Variants in MANSC4 observed in about 807,000 individuals in gnomAD.
MANSC4 encodes the protein MANSC domain containing 4, also known as MANSC domain-containing protein 4.
Under a neutral mutation model 11.4 loss-of-function variants are expected in MANSC4, and 11 were observed. The observed-to-expected ratio is 0.97, with a 90% CI of 0.61 to 1.60. The LOEUF (loss-of-function observed/expected upper bound fraction) is 1.60. Ranked by LOEUF, MANSC4 falls within the 40% of genes most tolerant of loss-of-function variation. The pLI, the probability that MANSC4 is intolerant of heterozygous loss-of-function variation, is 0.00. For synonymous variants in MANSC4, 123 were observed against 147.1 expected (o/e 0.84, Z 1.19); for missense variants, 354 against 404.6 (o/e 0.88, Z 1.07).
At chr12:27,774,467 T>C (rs2062111821) in intron 1 of MANSC4, among the ~76,000 whole-genome samples, 1 of 151,254 alleles carries the variant, frequency 6.6e-6, no homozygotes, top group Non-Finnish European at 1.5e-5. Flanking sequence ...TTCACTTTAA[T>C]AATTCAAATC....
At chr12:27,763,727 A>ATTAT (rs1030516503) in intron 3 of MANSC4, among the ~76,000 whole-genome samples, 5 of 151,852 alleles carry the variant, frequency 3.3e-5, no homozygotes, top group African/African-American at 4.8e-5. Context: ...TATAGCGTTT[A>ATTAT]TTATTTATTT....
chr12:27,780,197 G>C lies in MANSC4; in HGVS notation c.-307+13C>G, dbSNP rs1221854366. 2 of 623,874 alleles carry C rather than the reference G, an allele frequency of 3.2e-6. No homozygotes were observed. Among genetic ancestry groups the C allele is most frequent in the East Asian group, 9.2e-5 (2 of 21,696 alleles). 38.6% of individuals were successfully genotyped at this position (623,874 alleles called of 1,614,324 possible). A position where few individuals can be genotyped will look rare whatever the true frequency, so the allele number is the denominator to read the frequency against. On this transcript the variant is annotated intron_variant, in intron 1 of 3. Coordinates refer to ENST00000381273, the MANE Select transcript of MANSC4 (RefSeq NM_001146221.5). This position sits in a 1 kb window ranked among gnomAD's most constrained non-coding sequence, Gnocchi z 8.8. ...GCCGCCGGAGAGGCCGGGCGAGCGC[G>C]GGCGGCCCTCACCTCGCCGCTCCTC...
chr12:27,776,277 A>G (rs2062119614), intron 1 of MANSC4, among the ~76,000 whole-genome samples: 1 of 152,178 alleles, frequency 6.6e-6, no homozygotes, highest in African/African-American at 2.4e-5. Flanking sequence ...TGCCTGGCAC[A>G]TGCTAAACAC....
At chr12:27,763,487 G>T in intron 3 of MANSC4, 91 bp from the exon 4 acceptor site, 1 of 1,222,664 alleles carries the variant, frequency 8.2e-7, no homozygotes, top group South Asian at 1.6e-5. Context: ...GGCTTTTGCC[G>T]CTATGAGTTA....
In MANSC4 at chr12:27,771,116, T is replaced by C. The variant is rs1258575335; in HGVS notation, c.161A>G (p.Gln54Arg). 2 of 1,551,838 alleles carry C rather than the reference T, an allele frequency of 1.3e-6. No homozygotes were observed. Among genetic ancestry groups the C allele is most frequent in the Non-Finnish European group, 1.7e-6 (2 of 1,147,024 alleles). Residue 54 changes from glutamine (Q) to arginine (R), a missense_variant, in exon 2 of 4, where the codon CAG (glutamine) becomes CGG (arginine). Gln to Arg is a conservative substitution (Grantham distance 43). Transcript: ENST00000381273. Reference sequence around the variant, plus strand: ...GCTTTCAGAATAATACTTCAAGAACTGGGCTCCCAGCTTCTGAGACTCCTC... The same window carrying C: ...GCTTTCAGAATAATACTTCAAGAACCGGGCTCCCAGCTTCTGAGACTCCTC... ...NLEESQKLGA[Q>R]FLKYYSESTG... is the part of the protein sequence containing the mutation.
In MANSC4 at chr12:27,771,028, A is replaced by T. The variant is rs1394972138; in HGVS notation, c.229+20T>A. The T allele has an allele frequency of 2.6e-6, 4 of 1,528,324 alleles. No individual in the cohort carries two copies. The Admixed American group carries it at 8.4e-5, about 32-fold the overall frequency. 94.7% of individuals were successfully genotyped at this position (1,528,324 alleles called of 1,614,324 possible). ...GGAAGTTTCTTCTTATTTTTGCCCAAGCATATCATGAATACTTACCATCCT... is the reference window on the plus strand; with the variant it reads ...GGAAGTTTCTTCTTATTTTTGCCCATGCATATCATGAATACTTACCATCCT... On this transcript the variant is annotated intron_variant, in intron 2 of 3. Coordinates refer to ENST00000381273, the MANE Select transcript of MANSC4 (RefSeq NM_001146221.5).
chr12:27,765,297 A>G (rs1479858857), intron 3 of MANSC4, among the ~76,000 whole-genome samples: 1 of 152,208 alleles, frequency 6.6e-6, no homozygotes, highest in Non-Finnish European at 1.5e-5. Flanking sequence ...TAGATTTTCT[A>G]ATCTGTACCT....
intron 2 of MANSC4, among the ~76,000 whole-genome samples, chr12:27,770,294 ACT>A (rs1038810373): frequency 2.6e-4 from 40 of 151,882 alleles, no homozygotes; most frequent in African/African-American, 8.2e-4. Context: ...GATTCTCCAA[ACT>A]CAGCCCCCCG....
intron 1 of MANSC4, among the ~76,000 whole-genome samples, chr12:27,774,792 G>A (rs2062112854): frequency 6.6e-6 from 1 of 152,100 alleles, no homozygotes; most frequent in Non-Finnish European, 1.5e-5. Flanking sequence ...GGGAGGCTGA[G>A]GCGGGCAGAT....
At chr12:27,769,387 C>T (rs2062090035) in intron 2 of MANSC4, among the ~76,000 whole-genome samples, 1 of 152,130 alleles carries the variant, frequency 6.6e-6, no homozygotes, top group South Asian at 2.1e-4. Flanking sequence ...CTGGAATGTG[C>T]CTTCCTGTTC....
At position 27,771,463 on chromosome 12, in the gene MANSC4, C is replaced by T. The variant is rs979533072; in HGVS notation, c.-187G>A. ...TGCACATTGATTTTTCTTTTCTTCCCGAGCTCCAGGTGAACATTTGATTTG... is the reference window on the plus strand; with the variant it reads ...TGCACATTGATTTTTCTTTTCTTCCTGAGCTCCAGGTGAACATTTGATTTG... On this transcript the variant is annotated 5_prime_UTR_variant, in exon 2 of 4. Transcript: ENST00000381273. Among the ~76,000 whole-genome samples, 2 of 152,174 alleles carry T rather than the reference C, an allele frequency of 1.3e-5. No homozygotes were observed. Among genetic ancestry groups the T allele is most frequent in the Non-Finnish European group, 2.9e-5 (2 of 68,032 alleles).
At chr12:27,768,402 C>CAAAAAAAAAAAAAAAAAAAA (rs201953091) in intron 2 of MANSC4, among the ~76,000 whole-genome samples, 2 of 109,684 alleles carry the variant, frequency 1.8e-5, no homozygotes, top group Non-Finnish European at 3.5e-5. Context: ...GACTCTGTCT[C>CAAAAAAAAAAAAAAAAAAAA]AAAAAAAAAA....
rs539737805 is a variant in MANSC4 at position 27,776,823 on chromosome 12, T to C, written c.-307+3387A>G. ...CCATTACGCTTCTGTAAAACTGTTT[T>C]ACAGATAGTACCACAAAACTGGTTT... On this transcript the variant is annotated intron_variant, in intron 1 of 3. Coordinates refer to ENST00000381273, the MANE Select transcript of MANSC4 (RefSeq NM_001146221.5). Among the ~76,000 whole-genome samples, 25 of 152,348 alleles carry C rather than the reference T, an allele frequency of 1.6e-4. No homozygotes were observed. In the South Asian group the frequency reaches 4.6e-3, roughly 28 times the overall value.
At chr12:27,774,913 A>T (rs1005588861) in intron 1 of MANSC4, among the ~76,000 whole-genome samples, 23 of 151,892 alleles carry the variant, frequency 1.5e-4, no homozygotes, top group Non-Finnish European at 2.9e-4. Flanking sequence ...AGTCCCAGCT[A>T]CTCGGGAGGC....
At position 27,766,652 on chromosome 12, in the gene MANSC4, A is replaced by G. The variant is rs1474638767; in HGVS notation, c.364+13T>C. Reference sequence around the variant, plus strand: ...CAGCATTCTTTTAAAGTCTTGAAATATGTAATCATTACCGTCTGTTATGTT... The same window carrying G: ...CAGCATTCTTTTAAAGTCTTGAAATGTGTAATCATTACCGTCTGTTATGTT... On this transcript the variant is annotated intron_variant, in intron 3 of 3. Transcript: ENST00000381273. 7 of 1,549,094 alleles carry G rather than the reference A, an allele frequency of 4.5e-6. No individual in the cohort carries two copies. The highest frequency in any genetic ancestry group is 1.7e-4 in the Middle Eastern group (1 of 5,996).
intron 1 of MANSC4, among the ~76,000 whole-genome samples, chr12:27,772,139 C>G (rs1377865099): frequency 6.6e-6 from 1 of 152,112 alleles, no homozygotes; most frequent in Non-Finnish European, 1.5e-5. Flanking sequence ...ATTTCAATTG[C>G]AATGCCCAAA....
chr12:27,763,286 T>C lies in MANSC4; in HGVS notation c.475A>G (p.Lys159Glu). 6.4e-7 allele frequency: 1 copy of C among 1,551,780 alleles called. No homozygotes were observed. The change falls in exon 4 of 4, where the codon AAA becomes GAA. Residue 159 changes from lysine (K) to glutamate (E), a missense_variant. Transcript: ENST00000381273. ...LRILKAMNLD[K>E]QTTTINGMLP... ...ATACCATTTATCGTGGTGGTTTGTT[T>C]ATCTAAATTCATAGCTTTTAGAATC...
chr12:27,778,008 G>A (rs543690960), intron 1 of MANSC4, among the ~76,000 whole-genome samples: 8 of 151,778 alleles, frequency 5.3e-5, no homozygotes, highest in South Asian at 4.2e-4. Flanking sequence ...GGTGGATCAC[G>A]TGAGGTCGGG....
intron 1 of MANSC4, among the ~76,000 whole-genome samples, chr12:27,778,781 G>A (rs1255899225): frequency 6.6e-6 from 1 of 152,198 alleles, no homozygotes; most frequent in East Asian, 1.9e-4. Flanking sequence ...TTCCTGGGAT[G>A]AATTCATTAG....
Sources: gnomAD v4.1 joint callset for allele counts (sites outside exome capture counted in the v4.1 genomes callset) on GRCh38, gnomAD v4.1.1 for gene constraint, Gnocchi (gnomAD v3.1) non-coding constraint, MANE v1.5 for transcripts, NCBI Gene and HGNC (gene_info 2026-07-23, HGNC 2026-07-21) for gene names.